LRMDA: variants seen among roughly 807,000 people sequenced by gnomAD.
LRMDA encodes the protein leucine-rich melanocyte differentiation-associated protein.
A neutral mutation model predicts 29.8 loss-of-function variants in LRMDA; 18 were observed. The observed-to-expected ratio is 0.60, with a 90% CI of 0.42 to 0.90. LRMDA has a LOEUF of 0.90. LRMDA is among the 40% of genes least tolerant of loss of function. LRMDA has a pLI of 0.00. For missense variants in LRMDA, 273 were observed against 273.9 expected (o/e 1.00, Z 0.02); for synonymous variants, 125 against 109.4 (o/e 1.14, Z -0.89).
At chr10:76,052,686 C>T (rs1848550140) in intron 4 of LRMDA, among the ~76,000 whole-genome samples, 1 of 152,222 alleles carries the variant, frequency 6.6e-6, no homozygotes, top group Non-Finnish European at 1.5e-5. Context: ...ACCTGAAAAG[C>T]TCAATGTGCT....
chr10:76,373,147 G>T (rs1841475126), intron 6 of LRMDA, among the ~76,000 whole-genome samples: 1 of 152,090 alleles, frequency 6.6e-6, no homozygotes, highest in Non-Finnish European at 1.5e-5. Context: ...TTTGCATTTT[G>T]GGAGATGCTG....
chr10:76,107,702 A>G (rs1462803920), intron 5 of LRMDA, among the ~76,000 whole-genome samples: 5 of 152,096 alleles, frequency 3.3e-5, no homozygotes, highest in Admixed American at 3.3e-4. Context: ...ATGCCTCAAC[A>G]TACCTGTGTG....
At chr10:75,446,614 T>C (rs573199528) in intron 2 of LRMDA, among the ~76,000 whole-genome samples, 2 of 152,392 alleles carry the variant, frequency 1.3e-5, no homozygotes, top group East Asian at 3.9e-4. Flanking sequence ...TATAACCCTT[T>C]GCTTATCTGT....
rs369169366 is a variant in LRMDA at position 76,086,827 on chromosome 10, A to G, written c.516+28044A>G. The stretch of plus-strand genomic sequence containing the variant: ...AGTCAGGCACATTCTAGAACTGCAG[A>G]CCGCTGTGTACAGGGCATCTCAGTA... On this transcript the variant is annotated intron_variant, in intron 5 of 6. Coordinates refer to ENST00000611255, the MANE Select transcript of LRMDA (RefSeq NM_001305581.2). Among the ~76,000 whole-genome samples, 14 of 152,332 alleles carry G rather than the reference A, an allele frequency of 9.2e-5. No homozygotes were observed. The East Asian group carries it at 2.1e-3, about 23-fold the overall frequency.
At chr10:76,270,671 T>A (rs1345807990) in intron 5 of LRMDA, 1 of 152,232 alleles carries the variant, frequency 6.6e-6, no homozygotes, top group Non-Finnish European at 1.5e-5. Context: ...TAATCCTCTC[T>A]GTGATGCAAT....
intron 5 of LRMDA, among the ~76,000 whole-genome samples, chr10:76,112,136 A>AGGAGGGGCTGGCAGCCT (rs373124121): frequency 6.6e-6 from 1 of 152,164 alleles, no homozygotes; most frequent in African/African-American, 2.4e-5. Flanking sequence ...AGGGAGCAGG[A>AGGAGGGGCTGGCAGCCT]GGAGGGGCTG....
At chr10:76,251,636 G>A (rs73286978) in intron 5 of LRMDA, among the ~76,000 whole-genome samples, 5,177 of 152,252 alleles carry the variant, frequency 0.034, 219 homozygotes, top group African/African-American at 0.096. Flanking sequence ...GTATTCTTCT[G>A]TCCTCCAGAG....
intron 2 of LRMDA, among the ~76,000 whole-genome samples, chr10:75,976,615 T>G (rs1847076073): frequency 6.6e-6 from 1 of 152,358 alleles, no homozygotes; most frequent in South Asian, 2.1e-4. Context: ...AATAAGCAGT[T>G]AATATTTGTC....
intron 4 of LRMDA, among the ~76,000 whole-genome samples, chr10:76,057,337 T>C (rs561864389): frequency 1.8e-4 from 27 of 152,304 alleles, no homozygotes; most frequent in Admixed American, 3.9e-4. Flanking sequence ...CACATCTGTA[T>C]CCCTAAGGCC....
intron 5 of LRMDA, among the ~76,000 whole-genome samples, chr10:76,181,999 C>T (rs564639945): frequency 1.6e-4 from 24 of 152,320 alleles, no homozygotes; most frequent in Non-Finnish European, 2.9e-4. Flanking sequence ...CAGTTAATGT[C>T]TCTGACCCCA....
intron 5 of LRMDA, among the ~76,000 whole-genome samples, chr10:76,224,014 A>G (rs1158846282): frequency 6.6e-6 from 1 of 152,108 alleles, no homozygotes; most frequent in Admixed American, 6.6e-5. Flanking sequence ...TTCCCCAGGT[A>G]TTCCTTATGT....
At chr10:75,554,515 G>A (rs1027855197) in intron 2 of LRMDA, among the ~76,000 whole-genome samples, 1 of 152,126 alleles carries the variant, frequency 6.6e-6, no homozygotes, top group African/African-American at 2.4e-5. Context: ...TCTGTGCTAG[G>A]TACTAGGAAT....
Position 75,658,589 on chromosome 10 carries a change from T to C in LRMDA, c.131+220095T>C, listed in dbSNP as rs180858060. On this transcript the variant is annotated intron_variant, in intron 2 of 6. Coordinates refer to ENST00000611255, the MANE Select transcript of LRMDA (RefSeq NM_001305581.2). ...AAGCACATTTGCATCTAAGAGGGACTGAGGATTTCTGCAGAAAGAACCCCA... is the reference window on the plus strand; with the variant it reads ...AAGCACATTTGCATCTAAGAGGGACCGAGGATTTCTGCAGAAAGAACCCCA... Among the ~76,000 whole-genome samples, 18 of 152,316 alleles carry C rather than the reference T, an allele frequency of 1.2e-4. No homozygotes were observed. The East Asian group carries it at 3.1e-3, about 26-fold the overall frequency.
intron 5 of LRMDA, among the ~76,000 whole-genome samples, chr10:76,101,683 C>A (rs1397787259): frequency 3.3e-5 from 5 of 152,034 alleles, no homozygotes; most frequent in African/African-American, 9.7e-5. Context: ...TTGCAGTGAG[C>A]CTAGATCACA....
rs560038030 is a variant in LRMDA at position 75,684,331 on chromosome 10, G to A, written c.131+245837G>A. On this transcript the variant is annotated intron_variant, in intron 2 of 6. Transcript: ENST00000611255. ...CTAGACTTCTGGACACCTGCTGTGC[G>A]TTGTTGTTACATCTTTCACGCACAC... is the stretch of plus-strand genomic sequence containing the variant. 1.6e-4 allele frequency among the ~76,000 whole-genome samples: 24 copies of A among 152,152 alleles called. No homozygotes were observed. The South Asian group carries it at 4.6e-3, about 29-fold the overall frequency.
intron 2 of LRMDA, among the ~76,000 whole-genome samples, chr10:75,461,756 G>C (rs11001398): frequency 0.46 from 69,314 of 152,096 alleles, 17,273 homozygotes; most frequent in Non-Finnish European, 0.55. Context: ...AGAACACCTC[G>C]TGGGGAGGGG....
intron 5 of LRMDA, among the ~76,000 whole-genome samples, chr10:76,286,250 T>G (rs1397836221): frequency 6.6e-6 from 1 of 152,216 alleles, no homozygotes; most frequent in Non-Finnish European, 1.5e-5. Context: ...CTTTACCATA[T>G]TTTAAAATGG....
intron 2 of LRMDA, among the ~76,000 whole-genome samples, chr10:75,876,593 T>C (rs1432125075): frequency 1.3e-5 from 2 of 152,186 alleles, no homozygotes; most frequent in Non-Finnish European, 2.9e-5. Flanking sequence ...AGTCTAGAAC[T>C]TTCTATTCAT....
At chr10:75,491,316 T>C (rs929211802) in intron 2 of LRMDA, among the ~76,000 whole-genome samples, 1 of 152,318 alleles carries the variant, frequency 6.6e-6, no homozygotes, top group Non-Finnish European at 1.5e-5. Context: ...CTGAATTAAT[T>C]ATGATTTGCA....
Sources: gnomAD v4.1 joint callset for allele counts (sites outside exome capture counted in the v4.1 genomes callset) on GRCh38, gnomAD v4.1.1 for gene constraint, MANE v1.5 for transcripts, NCBI Gene and HGNC (gene_info 2026-07-23, HGNC 2026-07-21) for gene names.